LRRC20: variants seen among roughly 807,000 people sequenced by gnomAD.
The protein encoded by LRRC20 is leucine-rich repeat-containing protein 20.
LRRC20 carries 11 observed loss-of-function variants against 14.4 expected under a neutral mutation model. The observed-to-expected ratio is 0.77, with a 90% CI of 0.48 to 1.27. The LOEUF is 1.27. Among genes scored for constraint, LRRC20 ranks in the 50% most tolerant of loss-of-function variants. The pLI, the probability that LRRC20 is intolerant of heterozygous loss-of-function variation, is 0.00. For missense variants in LRRC20, 219 were observed against 251.2 expected, an observed-to-expected ratio of 0.87 and a Z score of 0.87; for synonymous variants, 121 against 107.3, an observed-to-expected ratio of 1.13 and a Z score of -0.79.
intron 4 of LRRC20, among the ~76,000 whole-genome samples, chr10:70,314,940 A>C (rs1841802283): frequency 6.6e-6 from 1 of 152,208 alleles, no homozygotes; most frequent in African/African-American, 2.4e-5. Flanking sequence ...AGCTATGGGC[A>C]AAAATCTCTC....
At chr10:70,323,497 C>G (rs1193961919) in intron 4 of LRRC20, among the ~76,000 whole-genome samples, 1 of 152,094 alleles carries the variant, frequency 6.6e-6, no homozygotes, top group African/African-American at 2.4e-5. Context: ...CTCTGTGAAG[C>G]CAGGGGACTC....
chr10:70,354,855 T>TAATCTC (rs1843464488), intron 2 of LRRC20, among the ~76,000 whole-genome samples: 1 of 152,164 alleles, frequency 6.6e-6, no homozygotes, highest in Non-Finnish European at 1.5e-5. Flanking sequence ...ACCCTCGGTG[T>TAATCTC]GGAGGCCGCC....
intron 4 of LRRC20, among the ~76,000 whole-genome samples, chr10:70,304,497 TATATATATA>T (rs1309656532): frequency 1.8e-4 from 23 of 127,536 alleles, no homozygotes; most frequent in Admixed American, 9.7e-4. Context: ...TATATATATA[TATATATATA>T]TTTTACTAAG....
chr10:70,326,809 C>T (rs764519006), intron 3 of LRRC20, among the ~76,000 whole-genome samples: 9 of 152,198 alleles, frequency 5.9e-5, no homozygotes, highest in Non-Finnish European at 1.2e-4. Flanking sequence ...CCCGCCACCA[C>T]GCCTGGCTAA....
intron 4 of LRRC20, among the ~76,000 whole-genome samples, chr10:70,321,938 A>C (rs1047834730): frequency 1.3e-5 from 2 of 152,180 alleles, no homozygotes; most frequent in African/African-American, 4.8e-5. Flanking sequence ...GAAAAGCGAG[A>C]TATGTCTATG....
Position 70,323,992 on chromosome 10 carries a change from T to C in LRRC20, c.271A>G (p.Ser91Gly), listed in dbSNP as rs1842208126. The C allele has an allele frequency of 5.0e-6, 8 of 1,613,528 alleles. No homozygotes were observed. The highest frequency in any genetic ancestry group is 1.7e-5 in the Admixed American group (1 of 60,008). Residue 91 changes from serine (S) to glycine (G), a missense_variant, in exon 4 of 5, where the codon AGC (serine) becomes GGC (glycine). Transcript: ENST00000446961. The part of the protein sequence containing the change: ...LEGNFLHRLP[S>G]EVSALQHLKA... Reference sequence around the variant, plus strand: ...AGGTGCTGCAGGGCACTGACCTCGCTGGGGAGGCGGTGTAGGAAGTTCCCC... The same window carrying C: ...AGGTGCTGCAGGGCACTGACCTCGCCGGGGAGGCGGTGTAGGAAGTTCCCC...
chr10:70,301,690 T>C (rs1841192231), intron 4 of LRRC20, among the ~76,000 whole-genome samples, 182 bp from the exon 5 acceptor site: 1 of 152,096 alleles, frequency 6.6e-6, no homozygotes, highest in South Asian at 2.1e-4. Flanking sequence ...CACCAGGATA[T>C]AACAACCACA....
intron 3 of LRRC20, among the ~76,000 whole-genome samples, chr10:70,335,254 C>T (rs1842687163): frequency 6.6e-6 from 1 of 152,224 alleles, no homozygotes; most frequent in Admixed American, 6.5e-5. Context: ...TTGCTGGATG[C>T]TCCCCAACTA....
chr10:70,312,661 A>G (rs1431228700), intron 4 of LRRC20, among the ~76,000 whole-genome samples: 3 of 152,194 alleles, frequency 2.0e-5, no homozygotes, highest in Non-Finnish European at 4.4e-5. Context: ...GAACAGGGCC[A>G]GGGACACAGA....
In LRRC20 at chr10:70,339,576, G is replaced by A. The variant is rs527730657; in HGVS notation, c.232+977C>T. On this transcript the variant is annotated intron_variant, in intron 3 of 4. Transcript: ENST00000446961. Reference sequence around the variant, plus strand: ...CCTCCGCAATTCTCCCACTCCACTCGTTCACAAACGTACAACAGGCGCCCA... The same window carrying A: ...CCTCCGCAATTCTCCCACTCCACTCATTCACAAACGTACAACAGGCGCCCA... Among the ~76,000 whole-genome samples, 7 of 152,212 alleles carry A rather than the reference G, an allele frequency of 4.6e-5. No individual in the cohort carries two copies. In the South Asian group the frequency reaches 8.3e-4, roughly 18 times the overall value.
At chr10:70,368,636 G>C (rs1844131722) in intron 2 of LRRC20, among the ~76,000 whole-genome samples, 1 of 151,064 alleles carries the variant, frequency 6.6e-6, no homozygotes, top group South Asian at 2.1e-4. Flanking sequence ...TTTGGCGGCA[G>C]GGGGGACTGA....
In LRRC20 at chr10:70,300,866, GA is replaced by G. The variant is rs1841148600; in HGVS notation, c.*487del. The G allele has an allele frequency of 1.0e-6, 1 of 986,798 alleles. No individual in the cohort carries two copies. The highest frequency in any genetic ancestry group is 1.2e-6 in the Non-Finnish European group (1 of 831,050). 61.1% of individuals were successfully genotyped at this position (986,798 alleles called of 1,614,324 possible). ...GGGCCGCATCCAGGTCAGTTCTCAG[GA>G]AGCAATAAATAGATGGAGGTTGTCT... is the stretch of plus-strand genomic sequence containing the variant. On this transcript the variant is annotated 3_prime_UTR_variant, in exon 5 of 5. Coordinates refer to ENST00000446961, the MANE Select transcript of LRRC20 (RefSeq NM_001278212.2).
chr10:70,358,674 C>T (rs10999293), intron 2 of LRRC20, among the ~76,000 whole-genome samples: 32,690 of 152,176 alleles, frequency 0.21, 3,848 homozygotes, highest in East Asian at 0.34. Flanking sequence ...GACTGGCTAC[C>T]GCAGTCTAGA....
Position 70,340,611 on chromosome 10 carries a change from A to G in LRRC20, c.174T>C (p.Ala58=), listed in dbSNP as rs750285619. The G allele has an allele frequency of 1.9e-6, 3 of 1,614,210 alleles. No individual in the cohort carries two copies. The highest frequency in any genetic ancestry group is 1.7e-6 in the Non-Finnish European group (2 of 1,180,032). Residue 58 remains alanine, a synonymous_variant, in exon 3 of 5, where the codon GCT becomes GCC. Transcript: ENST00000446961. The part of the protein sequence containing the change: ...VSGQIHLITL[A]NNELKSLTSK... Reference sequence around the variant, plus strand: ...TGGTGAGGGACTTAAGCTCGTTGTTAGCCAGGGTGATGAGGTGGATCTGGC... The same window carrying G: ...TGGTGAGGGACTTAAGCTCGTTGTTGGCCAGGGTGATGAGGTGGATCTGGC...
At chr10:70,357,324 A>G (rs1224512133) in intron 2 of LRRC20, among the ~76,000 whole-genome samples, 1 of 152,256 alleles carries the variant, frequency 6.6e-6, no homozygotes, top group Non-Finnish European at 1.5e-5. Flanking sequence ...TAAATACTGC[A>G]TTGTATATTT....
At chr10:70,337,863 T>C (rs1449693351) in intron 3 of LRRC20, among the ~76,000 whole-genome samples, 1 of 152,080 alleles carries the variant, frequency 6.6e-6, no homozygotes, top group Non-Finnish European at 1.5e-5. Context: ...GAGACGCAGG[T>C]GTTCAAGGGA....
At chr10:70,331,530 G>A (rs956811372) in intron 3 of LRRC20, among the ~76,000 whole-genome samples, 7 of 152,180 alleles carry the variant, frequency 4.6e-5, no homozygotes, top group South Asian at 4.2e-4. Context: ...CCACAGCCAC[G>A]TCTGGCTTTG....
At chr10:70,379,856 G>T (rs896710351) in intron 1 of LRRC20, among the ~76,000 whole-genome samples, 4 of 152,180 alleles carry the variant, frequency 2.6e-5, no homozygotes, top group Non-Finnish European at 5.9e-5. Flanking sequence ...AGTGGGAGAG[G>T]AATGAAACTA....
At chr10:70,309,004 C>G (rs1841536984) in intron 4 of LRRC20, among the ~76,000 whole-genome samples, 1 of 152,150 alleles carries the variant, frequency 6.6e-6, no homozygotes, top group South Asian at 2.1e-4. Flanking sequence ...CCCCCATTTT[C>G]CCTATTAATA....
Sources: allele counts gnomAD v4.1 joint callset (sites outside exome capture counted in the v4.1 genomes callset), GRCh38; gene constraint gnomAD v4.1.1; transcripts MANE v1.5; gene names NCBI Gene and HGNC (gene_info 2026-07-23, HGNC 2026-07-21).